Variants in MBNL1 observed in about 807,000 individuals in gnomAD.
MBNL1 encodes the protein muscleblind-like protein 1.
MBNL1 carries 8 observed loss-of-function variants against 42.2 expected under a neutral mutation model. The ratio of observed to expected loss-of-function variants is 0.19; its 90% CI spans 0.11 to 0.34. MBNL1 has a LOEUF of 0.34. Ranked by LOEUF, MBNL1 falls within the 10% of genes least tolerant of loss-of-function variation. The probability of loss-of-function intolerance (pLI) is 1.00; values close to 1 mark genes in which losing one functional copy is unlikely to be tolerated. For missense variants in MBNL1, 309 were observed against 495.3 expected, an observed-to-expected ratio of 0.62 and a Z score of 3.57; for synonymous variants, 169 against 173.9, an observed-to-expected ratio of 0.97 and a Z score of 0.22.
At chr3:152,340,695 G>A in intron 2 of MBNL1, 1 of 1,614,010 alleles carries the variant, frequency 6.2e-7, no homozygotes, top group Non-Finnish European at 8.5e-7. Context: ...CAAGATCCCA[G>A]ATGTAAACGG....
intron 2 of MBNL1, among the ~76,000 whole-genome samples, chr3:152,309,609 TAA>T (rs1219232422): frequency 6.6e-6 from 1 of 152,198 alleles, no homozygotes; most frequent in Non-Finnish European, 1.5e-5. Flanking sequence ...CATGGAAAAT[TAA>T]AGTCAGAAAA....
Position 152,347,144 on chromosome 3 carries a change from C to T in MBNL1, c.174+46777C>T, listed in dbSNP as rs543527175. 6.6e-5 allele frequency among the ~76,000 whole-genome samples: 10 copies of T among 152,004 alleles called. No homozygotes were observed. In the South Asian group the frequency reaches 1.2e-3, roughly 19 times the overall value. On this transcript the variant is annotated intron_variant, in intron 2 of 9. Transcript: ENST00000324210. ...CTATGCTGACATATTTGTAAACAAA[C>T]GCTTAGTGAAAACTCATATAACAAT...
intron 1 of MBNL1, among the ~76,000 whole-genome samples, chr3:152,285,098 A>G (rs1395724991): frequency 6.6e-6 from 1 of 152,144 alleles, no homozygotes; most frequent in African/African-American, 2.4e-5. Flanking sequence ...AAAAGAGACC[A>G]TCTTATCTTC....
chr3:152,402,209 A>G (rs146001217), intron 2 of MBNL1, among the ~76,000 whole-genome samples: 245 of 152,204 alleles, frequency 1.6e-3, no homozygotes, highest in African/African-American at 5.5e-3. Context: ...CAGGGGTTGC[A>G]AGGTAAAGAA....
intron 2 of MBNL1, among the ~76,000 whole-genome samples, chr3:152,350,764 A>G (rs1307234373): frequency 1.3e-5 from 2 of 152,064 alleles, no homozygotes; most frequent in Admixed American, 1.3e-4. Flanking sequence ...CATCCTTGTC[A>G]TTTGGGTGGT....
chr3:152,274,635 A>T (rs543507394), intron 1 of MBNL1, among the ~76,000 whole-genome samples: 10 of 152,196 alleles, frequency 6.6e-5, no homozygotes, highest in Non-Finnish European at 1.0e-4. Context: ...GCAGTATTCT[A>T]TTCAGCAATG....
intron 1 of MBNL1, among the ~76,000 whole-genome samples, chr3:152,272,376 T>C (rs1036931831): frequency 1.3e-5 from 2 of 151,938 alleles, no homozygotes; most frequent in African/African-American, 4.8e-5. Flanking sequence ...AGAGAATGAG[T>C]CTTAACACCT....
At position 152,417,056 on chromosome 3, in the gene MBNL1, GTGA is replaced by G. The variant is rs1218207266; in HGVS notation, c.345+1949_345+1951del. Among the ~76,000 whole-genome samples the G allele has an allele frequency of 2.6e-5, 4 of 152,176 alleles. No homozygotes were observed. In the South Asian group the frequency reaches 8.3e-4, roughly 31 times the overall value. Reference sequence around the variant, plus strand: ...TGTCTAAAAATATACTTTATTCAGAGTGATGACTTTGTAATAAGTACAGAAATC... The same window carrying G: ...TGTCTAAAAATATACTTTATTCAGAGTGACTTTGTAATAAGTACAGAAATC... On this transcript the variant is annotated intron_variant, in intron 3 of 9. Transcript: ENST00000324210.
intron 2 of MBNL1, among the ~76,000 whole-genome samples, chr3:152,319,990 A>T (rs1017562547): frequency 6.6e-6 from 1 of 152,112 alleles, no homozygotes; most frequent in Non-Finnish European, 1.5e-5. Flanking sequence ...CATAGAATAC[A>T]CTACATTATT....
chr3:152,440,650 G>A (rs950956277), intron 4 of MBNL1, among the ~76,000 whole-genome samples: 4 of 152,068 alleles, frequency 2.6e-5, no homozygotes, highest in South Asian at 2.1e-4. Flanking sequence ...CACATCATCC[G>A]ATATTTATCT....
chr3:152,433,176 A>G (rs530347322), intron 4 of MBNL1, among the ~76,000 whole-genome samples: 5 of 152,186 alleles, frequency 3.3e-5, no homozygotes, highest in Middle Eastern at 3.2e-3. Context: ...TGGTTACATC[A>G]CTGTACCTCA....
chr3:152,406,699 T>A (rs2098437958), intron 2 of MBNL1, among the ~76,000 whole-genome samples: 2 of 152,174 alleles, frequency 1.3e-5, no homozygotes, highest in Admixed American at 1.3e-4. Flanking sequence ...GTGTTGATAT[T>A]GCGTCAATAG....
intron 2 of MBNL1, among the ~76,000 whole-genome samples, chr3:152,410,014 C>A (rs1024779447): frequency 4.6e-5 from 7 of 152,008 alleles, no homozygotes; most frequent in African/African-American, 1.7e-4. Context: ...TTCTAACTTA[C>A]CATCTCTAGT....
chr3:152,264,376 A>T (rs2036835615), upstream of MBNL1: 1 of 152,228 alleles, frequency 6.6e-6, no homozygotes, highest in African/African-American at 2.4e-5. Flanking sequence ...TAAAAGAAGG[A>T]AAAAATGAAA....
At chr3:152,367,605 C>T (rs916260666) in intron 2 of MBNL1, among the ~76,000 whole-genome samples, 1 of 152,224 alleles carries the variant, frequency 6.6e-6, no homozygotes, top group African/African-American at 2.4e-5. Flanking sequence ...AATCGCCACA[C>T]TGTCTTTCAC....
At position 152,445,181 on chromosome 3, in the gene MBNL1, C is replaced by A. The variant is rs1560623890; in HGVS notation, c.550-101C>A. 3 of 981,092 alleles carry A rather than the reference C, an allele frequency of 3.1e-6. No individual in the cohort carries two copies. The East Asian group carries it at 7.3e-5, about 24-fold the overall frequency. The allele number at this position is 981,092 out of a possible 1,614,324, so 60.8% of individuals were successfully genotyped here. On this transcript the variant is annotated intron_variant, in intron 4 of 9. Transcript: ENST00000324210. ...TTTGAAAATCATTTTCCCTTTTCAT[C>A]TATAGCCTTCTGTCACCAGTCTTGC...
intron 2 of MBNL1, among the ~76,000 whole-genome samples, chr3:152,411,696 C>G (rs1156951860): frequency 6.6e-6 from 1 of 152,096 alleles, no homozygotes; most frequent in Non-Finnish European, 1.5e-5. Context: ...TGTTTTTAGA[C>G]TTTTAAAATG....
intron 2 of MBNL1, among the ~76,000 whole-genome samples, chr3:152,404,787 CTATA>C (rs922145698): frequency 9.4e-5 from 14 of 148,838 alleles, no homozygotes; most frequent in African/African-American, 3.2e-4. Flanking sequence ...TAATATATAA[CTATA>C]TATAATTAAT....
At chr3:152,307,552 A>G (rs555249223) in intron 2 of MBNL1, among the ~76,000 whole-genome samples, 120 of 152,292 alleles carry the variant, frequency 7.9e-4, no homozygotes, top group African/African-American at 2.6e-3. Context: ...TTTTGTCCCT[A>G]TAAAATCTCA....
Sources: gnomAD v4.1 joint callset for allele counts (sites outside exome capture counted in the v4.1 genomes callset) on GRCh38, gnomAD v4.1.1 for gene constraint, MANE v1.5 for transcripts, NCBI Gene and HGNC (gene_info 2026-07-23, HGNC 2026-07-21) for gene names.